The following NAA11 variants were observed in gnomAD, a reference collection of about 807,000 sequenced individuals.
NAA11 encodes N-alpha-acetyltransferase 11.
In NAA11, 15 loss-of-function variants were observed where a neutral mutation model predicts 16.1. That is an observed-to-expected ratio of 0.93 (90% CI 0.62 to 1.44). The LOEUF (loss-of-function observed/expected upper bound fraction) is 1.44. NAA11 is among the 40% of genes most tolerant of loss of function. The pLI, the probability that NAA11 is intolerant of heterozygous loss-of-function variation, is 0.00. For missense variants in NAA11, 298 were observed against 291.3 expected, an observed-to-expected ratio of 1.02 and a Z score of -0.17; for synonymous variants, 122 against 112.4, an observed-to-expected ratio of 1.09 and a Z score of -0.54.
At chr4:79,201,584 A>G in the NAA11 span, among the ~76,000 whole-genome samples, 4 of 151,578 alleles carry the variant, frequency 2.6e-5, no homozygotes, top group African/African-American at 2.4e-5. Flanking sequence ...TTTGCCTGTC[A>G]TATGTATGTT....
the NAA11 span, among the ~76,000 whole-genome samples, chr4:79,169,464 C>T: frequency 6.6e-6 from 1 of 152,110 alleles, no homozygotes; most frequent in Non-Finnish European, 1.5e-5. Flanking sequence ...CACCTACAAC[C>T]ATCTGATCTT....
downstream of NAA11, among the ~76,000 whole-genome samples, chr4:79,313,264 T>G (rs1723831651): frequency 6.6e-6 from 1 of 152,234 alleles, no homozygotes; most frequent in Non-Finnish European, 1.5e-5. Flanking sequence ...AGGTTTTTTT[T>G]TACACTAACT....
At chr4:79,189,020 C>T in the NAA11 span, among the ~76,000 whole-genome samples, 1 of 151,814 alleles carries the variant, frequency 6.6e-6, no homozygotes, top group East Asian at 1.9e-4. Flanking sequence ...GTGGCAGGTG[C>T]CTGTAGTCCC....
rs796265290 is a variant in NAA11 at position 79,239,701 on chromosome 4, G to GA, written c.*123-13432dup. 4.5e-3 allele frequency among the ~76,000 whole-genome samples: 675 copies of GA among 149,742 alleles called. 6 individuals carry two copies. Among genetic ancestry groups the GA allele is most frequent in the African/African-American group, 0.014 (584 of 40,770 alleles). On this transcript the variant is annotated intron_variant and NMD_transcript_variant, in intron 2 of 2. Coordinates refer to the NAA11 transcript ENST00000511542. The stretch of plus-strand genomic sequence containing the variant: ...GGTGACAGAGCAAGACTCTGTCTCG[G>GA]AAAAAAAAAATGTTTGTGAATGGAC...
At chr4:79,292,468 C>T (rs757618324) in intron 2 of NAA11, among the ~76,000 whole-genome samples, 40 of 152,146 alleles carry the variant, frequency 2.6e-4, no homozygotes, top group Non-Finnish European at 5.1e-4. Flanking sequence ...TAGAGTAAAC[C>T]AGGGGTAGAG....
At chr4:79,178,460 A>G in the NAA11 span, among the ~76,000 whole-genome samples, 1 of 152,228 alleles carries the variant, frequency 6.6e-6, no homozygotes, top group African/African-American at 2.4e-5. Context: ...AGTTCAGATA[A>G]TGACCTATGT....
At chr4:79,276,014 A>C (rs77326585) in intron 2 of NAA11, among the ~76,000 whole-genome samples, 6,199 of 152,144 alleles carry the variant, frequency 0.041, 453 homozygotes, top group African/African-American at 0.14. Flanking sequence ...AGATTATTTT[A>C]ATGGTTTTTG....
At chr4:79,156,494 G>C in the NAA11 span, among the ~76,000 whole-genome samples, 1 of 152,188 alleles carries the variant, frequency 6.6e-6, no homozygotes, top group East Asian at 1.9e-4. Flanking sequence ...TCTTCATGCT[G>C]TGTCTACAGG....
At chr4:79,319,296 T>C (rs1422291047) in intron 1 of NAA11, among the ~76,000 whole-genome samples, 1 of 152,216 alleles carries the variant, frequency 6.6e-6, no homozygotes, top group Non-Finnish European at 1.5e-5. Flanking sequence ...AGGTGGGCTA[T>C]GGAAGCCTGA....
downstream of NAA11, among the ~76,000 whole-genome samples, chr4:79,223,491 G>A (rs372660814): frequency 3.4e-4 from 39 of 115,546 alleles, no homozygotes; most frequent in South Asian, 4.1e-3. Flanking sequence ...TCTGGGGACT[G>A]TTGTGGGGTG....
the NAA11 span, among the ~76,000 whole-genome samples, chr4:79,169,135 T>C: frequency 6.6e-6 from 1 of 152,076 alleles, no homozygotes; most frequent in African/African-American, 2.4e-5. Flanking sequence ...AACATCCCAT[T>C]CTCATGGATA....
At chr4:79,192,797 C>T in the NAA11 span, among the ~76,000 whole-genome samples, 26 of 149,534 alleles carry the variant, frequency 1.7e-4, no homozygotes, top group South Asian at 1.1e-3. Context: ...CCTGAGGAAT[C>T]GCCACACTGA....
chr4:79,286,437 T>G (rs1157244810), intron 2 of NAA11, among the ~76,000 whole-genome samples: 1 of 152,076 alleles, frequency 6.6e-6, no homozygotes, highest in Non-Finnish European at 1.5e-5. Flanking sequence ...TTTATAGATG[T>G]TTCAAAGTAT....
chr4:79,220,061 G>A, the NAA11 span, among the ~76,000 whole-genome samples: 3 of 152,188 alleles, frequency 2.0e-5, no homozygotes, highest in African/African-American at 7.2e-5. Context: ...TAAGATCTGG[G>A]CTAGCATGCT....
At chr4:79,223,704 C>T (rs569376788), downstream of NAA11, among the ~76,000 whole-genome samples, 8 of 150,516 alleles carry the variant, frequency 5.3e-5, no homozygotes, top group South Asian at 8.4e-4. Flanking sequence ...GAGTATATCC[C>T]GCCTAGGAGG....
the NAA11 span, among the ~76,000 whole-genome samples, chr4:79,206,879 C>T: frequency 1.3e-5 from 2 of 152,060 alleles, no homozygotes; most frequent in East Asian, 1.9e-4. Context: ...ATTAAATTTA[C>T]GTTCAAGTGC....
chr4:79,179,714 A>C, the NAA11 span, among the ~76,000 whole-genome samples: 1 of 152,208 alleles, frequency 6.6e-6, no homozygotes, highest in Non-Finnish European at 1.5e-5. Context: ...CCCAATACAA[A>C]TGAAGCATCA....
intron 2 of NAA11, among the ~76,000 whole-genome samples, chr4:79,286,048 A>T (rs1722899826): frequency 6.6e-6 from 1 of 151,906 alleles, no homozygotes; most frequent in South Asian, 2.1e-4. Context: ...CCAGACATTA[A>T]CCTTTGTCCT....
chr4:79,218,176 G>T, the NAA11 span, among the ~76,000 whole-genome samples: 2 of 152,032 alleles, frequency 1.3e-5, no homozygotes, highest in Non-Finnish European at 2.9e-5. Context: ...GCAGCAGTGG[G>T]GTAAGAGAAT....
Sources: gnomAD v4.1 joint callset for allele counts (sites outside exome capture counted in the v4.1 genomes callset) on GRCh38, gnomAD v4.1.1 for gene constraint, MANE v1.5 for transcripts, NCBI Gene and HGNC (gene_info 2026-07-23, HGNC 2026-07-21) for gene names.